The following MLLT10 variants were observed in gnomAD, a reference collection of about 807,000 sequenced individuals.
MLLT10 encodes MLLT10 histone lysine methyltransferase DOT1L cofactor.
A neutral mutation model predicts 129.1 loss-of-function variants in MLLT10; 30 were observed. The ratio of observed to expected loss-of-function variants is 0.23; its 90% CI spans 0.17 to 0.32. The LOEUF is 0.32. Ranked by LOEUF, MLLT10 falls within the 10% of genes least tolerant of loss-of-function variation. MLLT10 has a pLI of 1.00. For missense variants in MLLT10, 1,119 were observed against 1,268.3 expected (o/e 0.88, Z 1.79); for synonymous variants, 490 against 446.4 (o/e 1.10, Z -1.23).
At chr10:21,684,986 CAA>C (rs1164962584) in intron 13 of MLLT10, among the ~76,000 whole-genome samples, 3 of 152,108 alleles carry the variant, frequency 2.0e-5, no homozygotes, top group African/African-American at 7.2e-5. Context: ...TTACTTCCTG[CAA>C]AGTTTTTTTT....
intron 9 of MLLT10, among the ~76,000 whole-genome samples, chr10:21,654,837 G>T (rs2049391622): frequency 6.6e-6 from 1 of 152,108 alleles, no homozygotes; most frequent in Non-Finnish European, 1.5e-5. Context: ...GACAATAGAT[G>T]AGGGATAGTA....
At chr10:21,542,087 TCA>T (rs2035272200) in intron 3 of MLLT10, among the ~76,000 whole-genome samples, 1 of 152,090 alleles carries the variant, frequency 6.6e-6, no homozygotes, top group Non-Finnish European at 1.5e-5. Context: ...CCTGGGGGTG[TCA>T]CAGTAGATTG....
intron 22 of MLLT10, among the ~76,000 whole-genome samples, chr10:21,740,517 A>G (rs1291731293): frequency 2.0e-5 from 3 of 152,214 alleles, no homozygotes; most frequent in Non-Finnish European, 4.4e-5. Flanking sequence ...TCAAAAGACA[A>G]TAGTTGGTGC....
At chr10:21,614,977 G>T in intron 7 of MLLT10, 53 bp downstream of exon 7, 1 of 1,389,594 alleles carries the variant, frequency 7.2e-7, no homozygotes, top group African/African-American at 1.4e-5. Context: ...TTTGACAATA[G>T]AATGACACTG....
intron 3 of MLLT10, among the ~76,000 whole-genome samples, chr10:21,575,819 G>T (rs2040673894): frequency 6.6e-6 from 1 of 152,088 alleles, no homozygotes; most frequent in South Asian, 2.1e-4. Context: ...GTTTTTAGGT[G>T]CATACATTTA....
chr10:21,644,456 G>A (rs2048297666), intron 8 of MLLT10, among the ~76,000 whole-genome samples: 1 of 152,056 alleles, frequency 6.6e-6, no homozygotes, highest in African/African-American at 2.4e-5. Context: ...TAGAAGCTTG[G>A]GAGGAGGGGC....
Position 21,734,010 on chromosome 10 carries a change from A to G in MLLT10, c.2739A>G (p.Val913=). 3.1e-6 allele frequency: 5 copies of G among 1,614,214 alleles called. No individual in the cohort carries two copies. The highest frequency in any genetic ancestry group is 3.4e-6 in the Non-Finnish European group (4 of 1,180,032). Residue 913 remains valine, a synonymous_variant, in exon 20 of 23, where the codon GTA becomes GTG. Transcript: ENST00000307729. ...PGNQLAINGI[V]GALNGVMQTP... is the part of the protein sequence containing the mutation. ...ACCAACTGGCAATTAATGGCATTGT[A>G]GGAGCTTTAAATGGGGTTATGCAGA...
chr10:21,682,828 G>T (rs535972820), intron 13 of MLLT10, among the ~76,000 whole-genome samples: 1 of 152,266 alleles, frequency 6.6e-6, no homozygotes, highest in Admixed American at 6.5e-5. Flanking sequence ...TTATAGTGAA[G>T]ATTATTCTTG....
At chr10:21,552,687 C>A (rs182036640) in intron 3 of MLLT10, among the ~76,000 whole-genome samples, 452 of 152,230 alleles carry the variant, frequency 3.0e-3, no homozygotes, top group Non-Finnish European at 4.6e-3. Context: ...CCACCATGCC[C>A]GGCCTCTCTC....
At chr10:21,589,144 C>T (rs780122147) in intron 4 of MLLT10, among the ~76,000 whole-genome samples, 14 of 151,948 alleles carry the variant, frequency 9.2e-5, no homozygotes, top group Non-Finnish European at 1.9e-4. Flanking sequence ...TATTATTATG[C>T]TGTTTTGATA....
chr10:21,732,453 G>A (rs1255043277), intron 17 of MLLT10, among the ~76,000 whole-genome samples: 1 of 152,186 alleles, frequency 6.6e-6, no homozygotes, highest in Non-Finnish European at 1.5e-5. Context: ...CGTTTAAACC[G>A]GACAACAAAC....
chr10:21,636,164 A>C (rs1359107962), intron 8 of MLLT10, among the ~76,000 whole-genome samples: 1 of 151,964 alleles, frequency 6.6e-6, no homozygotes, highest in Non-Finnish European at 1.5e-5. Context: ...TCTGTCACCT[A>C]AACTGCAGTG....
At chr10:21,578,448 CA>C (rs1238667827) in intron 3 of MLLT10, among the ~76,000 whole-genome samples, 1 of 152,002 alleles carries the variant, frequency 6.6e-6, no homozygotes, top group African/African-American at 2.4e-5. Flanking sequence ...TTGTTTGTAG[CA>C]AAAAAGTCTG....
intron 8 of MLLT10, 52 bp downstream of exon 8, chr10:21,617,259 T>G: frequency 2.0e-6 from 2 of 1,000,882 alleles, no homozygotes; most frequent in Non-Finnish European, 2.8e-6. Flanking sequence ...TAATAGAATT[T>G]TTTTTTGCCT....
chr10:21,565,097 A>G (rs554847346), intron 3 of MLLT10, among the ~76,000 whole-genome samples: 13 of 152,066 alleles, frequency 8.5e-5, no homozygotes, highest in African/African-American at 3.1e-4. Context: ...CTCTTGGTGG[A>G]TTGACCTCTC....
In MLLT10 at chr10:21,633,877, C is replaced by T. The variant is rs538587653; in HGVS notation, c.699+16670C>T. Among the ~76,000 whole-genome samples the T allele has an allele frequency of 3.3e-5, 5 of 152,110 alleles. No individual in the cohort carries two copies. In the South Asian group the frequency reaches 6.2e-4, roughly 19 times the overall value. The stretch of plus-strand genomic sequence containing the variant: ...ATCCATAACCAAGCATCTCGTTGTT[C>T]GAGCAATGTCCTAATTGATAGCCAG... On this transcript the variant is annotated intron_variant, in intron 8 of 22. Coordinates refer to ENST00000307729, the MANE Select transcript of MLLT10 (RefSeq NM_001195626.3).
intron 5 of MLLT10, among the ~76,000 whole-genome samples, chr10:21,611,727 G>T (rs2044675361): frequency 6.6e-6 from 1 of 152,114 alleles, no homozygotes; most frequent in African/African-American, 2.4e-5. Context: ...GTTTCTCGGG[G>T]TGTTCATTGG....
chr10:21,721,489 G>T (rs928047005), intron 14 of MLLT10, among the ~76,000 whole-genome samples: 15 of 152,060 alleles, frequency 9.9e-5, no homozygotes, highest in Non-Finnish European at 1.8e-4. Flanking sequence ...CATGAGCCAA[G>T]TTCCTAGGAA....
At chr10:21,739,095 C>T (rs2058622837) in intron 21 of MLLT10, among the ~76,000 whole-genome samples, 1 of 152,196 alleles carries the variant, frequency 6.6e-6, no homozygotes. Context: ...CAGCTCCATC[C>T]TCACTCTGAC....
Sources: allele counts gnomAD v4.1 joint callset (sites outside exome capture counted in the v4.1 genomes callset), GRCh38; gene constraint gnomAD v4.1.1; transcripts MANE v1.5; gene names NCBI Gene and HGNC (gene_info 2026-07-23, HGNC 2026-07-21).